CCSER1: variants seen among roughly 807,000 people sequenced by gnomAD.
CCSER1 encodes the protein serine-rich coiled-coil domain-containing protein 1.
In CCSER1, 41 loss-of-function variants were observed where a neutral mutation model predicts 82.0. The observed-to-expected ratio is 0.50, with a 90% CI of 0.39 to 0.65. The LOEUF (loss-of-function observed/expected upper bound fraction) is 0.65, where lower values mean the gene tolerates loss of function less well. Among genes scored for constraint, CCSER1 ranks in the 30% least tolerant of loss-of-function variants. The pLI is 0.00. For missense variants in CCSER1, 1,119 were observed against 1,064.2 expected (o/e 1.05, Z -0.72); for synonymous variants, 414 against 383.9 (o/e 1.08, Z -0.92).
At chr4:91,158,732 C>G (rs1238805079) in intron 10 of CCSER1, among the ~76,000 whole-genome samples, 2 of 151,782 alleles carry the variant, frequency 1.3e-5, no homozygotes, top group Non-Finnish European at 1.5e-5. Flanking sequence ...GTTTTGTTCA[C>G]TAAGGGTCTC....
chr4:90,953,522 A>C (rs1733131915), intron 9 of CCSER1, among the ~76,000 whole-genome samples: 1 of 151,578 alleles, frequency 6.6e-6, no homozygotes, highest in South Asian at 2.1e-4. Context: ...TTTTTAAATA[A>C]TTGAAAGCTA....
At chr4:91,455,651 T>C (rs1756123687) in intron 10 of CCSER1, among the ~76,000 whole-genome samples, 1 of 152,092 alleles carries the variant, frequency 6.6e-6, no homozygotes, top group Admixed American at 6.6e-5. Flanking sequence ...GCAGGCTGGA[T>C]GGACTAAGAC....
At chr4:90,304,644 G>A (rs1733874397) in intron 1 of CCSER1, among the ~76,000 whole-genome samples, 2 of 152,010 alleles carry the variant, frequency 1.3e-5, no homozygotes, top group Admixed American at 1.3e-4. Context: ...TCTGGGGACT[G>A]TTGTGGGGTG....
intron 3 of CCSER1, among the ~76,000 whole-genome samples, chr4:90,391,349 G>A (rs1751017128): frequency 6.9e-6 from 1 of 144,636 alleles, no homozygotes. Flanking sequence ...AAATGTTTGA[G>A]GTGATGAATA....
chr4:90,652,518 T>C (rs2149050808), intron 6 of CCSER1, among the ~76,000 whole-genome samples: 1 of 152,280 alleles, frequency 6.6e-6, no homozygotes, highest in African/African-American at 2.4e-5. Flanking sequence ...CATGCTGAAC[T>C]GAAGAAGCCT....
chr4:90,205,441 A>G (rs1738617458), intron 1 of CCSER1, among the ~76,000 whole-genome samples: 1 of 152,192 alleles, frequency 6.6e-6, no homozygotes, highest in Admixed American at 6.5e-5. Flanking sequence ...CCTTTTCTGC[A>G]TCTATTGAGA....
At chr4:90,960,706 A>G (rs936987839) in intron 9 of CCSER1, among the ~76,000 whole-genome samples, 1 of 152,252 alleles carries the variant, frequency 6.6e-6, no homozygotes, top group South Asian at 2.1e-4. Flanking sequence ...TATTCTGTTT[A>G]TGGAACCGCT....
intron 1 of CCSER1, among the ~76,000 whole-genome samples, chr4:90,305,570 A>G (rs545512783): frequency 3.4e-4 from 51 of 152,140 alleles, no homozygotes; most frequent in South Asian, 6.2e-4. Flanking sequence ...ACACATTTTT[A>G]TTTGTGAAAA....
chr4:91,525,175 A>G (rs1516703), intron 10 of CCSER1, among the ~76,000 whole-genome samples: 20,467 of 152,074 alleles, frequency 0.13, 1,569 homozygotes, highest in African/African-American at 0.21. Flanking sequence ...AATAAGAAAT[A>G]TACAGGAGAG....
chr4:90,610,071 G>A (rs1480695097), intron 5 of CCSER1, among the ~76,000 whole-genome samples: 1 of 151,996 alleles, frequency 6.6e-6, no homozygotes, highest in Non-Finnish European at 1.5e-5. Flanking sequence ...GGCTAACACG[G>A]TGAAACCCCG....
intron 6 of CCSER1, among the ~76,000 whole-genome samples, chr4:90,652,652 T>TCATA (rs1487025213): frequency 6.6e-6 from 1 of 152,174 alleles, no homozygotes; most frequent in Non-Finnish European, 1.5e-5. Flanking sequence ...CAAGATGAGA[T>TCATA]CATACCTCAG....
chr4:90,420,716 C>G (rs1219450406), intron 4 of CCSER1, among the ~76,000 whole-genome samples: 2 of 152,164 alleles, frequency 1.3e-5, no homozygotes, highest in Non-Finnish European at 2.9e-5. Flanking sequence ...TATTAAATAA[C>G]AACAATTTTA....
chr4:90,305,882 G>T (rs1734172627), intron 1 of CCSER1, among the ~76,000 whole-genome samples: 1 of 152,136 alleles, frequency 6.6e-6, no homozygotes, highest in Admixed American at 6.6e-5. Flanking sequence ...GTACTCCTAT[G>T]CTTATTGCAT....
At chr4:90,712,153 T>C (rs900402554) in intron 6 of CCSER1, among the ~76,000 whole-genome samples, 1 of 152,054 alleles carries the variant, frequency 6.6e-6, no homozygotes, top group African/African-American at 2.4e-5. Flanking sequence ...TCAGTGCAGC[T>C]CTGATTTTGG....
intron 8 of CCSER1, among the ~76,000 whole-genome samples, chr4:90,917,422 A>C (rs546751098): frequency 2.0e-5 from 3 of 152,190 alleles, no homozygotes; most frequent in South Asian, 4.2e-4. Flanking sequence ...GGACAAAAAA[A>C]CAAACACCGC....
At chr4:90,220,324 A>C (rs926749642) in intron 1 of CCSER1, among the ~76,000 whole-genome samples, 1 of 152,032 alleles carries the variant, frequency 6.6e-6, no homozygotes, top group African/African-American at 2.4e-5. Context: ...CAAAACATTT[A>C]ATTTCATCAC....
At chr4:91,274,261 G>A (rs1694517655) in intron 10 of CCSER1, among the ~76,000 whole-genome samples, 1 of 152,134 alleles carries the variant, frequency 6.6e-6, no homozygotes, top group South Asian at 2.1e-4. Flanking sequence ...TGCATAGAAT[G>A]TGTAATGATC....
At chr4:90,661,997 TTTC>T (rs1195311785) in intron 6 of CCSER1, among the ~76,000 whole-genome samples, 20 of 147,802 alleles carry the variant, frequency 1.4e-4, no homozygotes, top group Non-Finnish European at 2.9e-4. Flanking sequence ...TGTTTCTTTC[TTTC>T]TTTTTTTTTT....
At chr4:90,400,168 A>G (rs774381212) in intron 4 of CCSER1, 39 bp downstream of exon 4, 4 of 1,135,834 alleles carry the variant, frequency 3.5e-6, no homozygotes, top group East Asian at 2.4e-5. Context: ...TACAACTCCT[A>G]CCCTGGTCAG....
Sources: gnomAD v4.1 joint callset for allele counts (sites outside exome capture counted in the v4.1 genomes callset) on GRCh38, gnomAD v4.1.1 for gene constraint, MANE v1.5 for transcripts, NCBI Gene and HGNC (gene_info 2026-07-23, HGNC 2026-07-21) for gene names.